TPMT: variants seen among roughly 807,000 people sequenced by gnomAD.
TPMT encodes the protein S-adenosyl-L-methionine:thiopurine S-methyltransferase.
A neutral mutation model predicts 34.2 loss-of-function variants in TPMT; 18 were observed. That is an observed-to-expected ratio of 0.53 (90% CI 0.36 to 0.78). TPMT has a LOEUF of 0.78. Among genes scored for constraint, TPMT ranks in the 30% least tolerant of loss-of-function variants. The pLI, the probability that TPMT is intolerant of heterozygous loss-of-function variation, is 0.00. For missense variants in TPMT, 265 were observed against 288.1 expected, an observed-to-expected ratio of 0.92 and a Z score of 0.58; for synonymous variants, 69 against 92.4, an observed-to-expected ratio of 0.75 and a Z score of 1.45.
At position 18,147,951 on chromosome 6, in the gene TPMT, G is replaced by A. The variant is rs749583930; in HGVS notation, c.141-36C>T. 2.0e-6 allele frequency: 3 copies of A among 1,495,730 alleles called. No individual in the cohort carries two copies. The South Asian group carries it at 3.4e-5, about 17-fold the overall frequency. 92.7% of individuals were successfully genotyped at this position (1,495,730 alleles called of 1,614,324 possible). A position where few individuals can be genotyped will look rare whatever the true frequency, so the allele number is the denominator to read the frequency against. On this transcript the variant is annotated intron_variant, in intron 2 of 8. Coordinates refer to ENST00000309983, the MANE Select transcript of TPMT (RefSeq NM_000367.5). ...AAAAAAAAAAGGTTTTAGGACAATT[G>A]TATGGTAGGTGAACACTTTTCATTC... is the stretch of plus-strand genomic sequence containing the variant.
chr6:18,146,769 T>C lies in TPMT; in HGVS notation c.233+1054A>G, dbSNP rs2150717514. Among the ~76,000 whole-genome samples the C allele has an allele frequency of 6.6e-6, 1 of 152,304 alleles. No individual in the cohort carries two copies. The highest frequency in any genetic ancestry group is 3.4e-3 in the Middle Eastern group (1 of 294). ...TCAATTTCATGACCACACTTGAATC[T>C]TAAAGTCATAGCAGCCCTCTAACAA... On this transcript the variant is annotated intron_variant, in intron 3 of 8. Coordinates refer to ENST00000309983, the MANE Select transcript of TPMT (RefSeq NM_000367.5). This position sits in a 1 kb window ranked among gnomAD's most constrained non-coding sequence, Gnocchi z 6.2.
At position 18,135,105 on chromosome 6, in the gene TPMT, C is replaced by T. The variant is rs1582038441; in HGVS notation, c.495-1216G>A. Among the ~76,000 whole-genome samples the T allele has an allele frequency of 6.6e-6, 1 of 152,218 alleles. No homozygotes were observed. The highest frequency in any genetic ancestry group is 1.9e-4 in the East Asian group (1 of 5,206). ...TAACCTTTCTGTACCTCAGTTTCCT[C>T]ACCTGTAACATGAGGATAAGACTAA... On this transcript the variant is annotated intron_variant, in intron 6 of 8. Coordinates refer to ENST00000309983, the MANE Select transcript of TPMT (RefSeq NM_000367.5). The surrounding 1 kb of genome is among the most constrained non-coding windows in gnomAD (Gnocchi z 5.0).
intron 1 of TPMT, among the ~76,000 whole-genome samples, chr6:18,152,346 TA>T (rs199599951): frequency 2.6e-5 from 4 of 151,658 alleles, no homozygotes; most frequent in Non-Finnish European, 4.4e-5. Context: ...CTTTATGCCT[TA>T]AAAAAAAATT....
Position 18,138,424 on chromosome 6 carries a change from G to A in TPMT, c.494+539C>T, listed in dbSNP as rs906850452. Among the ~76,000 whole-genome samples, 6 of 151,958 alleles carry A rather than the reference G, an allele frequency of 3.9e-5. No homozygotes were observed. Among genetic ancestry groups the A allele is most frequent in the East Asian group, 1.9e-4 (1 of 5,164 alleles). On this transcript the variant is annotated intron_variant, in intron 6 of 8. Transcript: ENST00000309983. The surrounding 1 kb of genome is among the most constrained non-coding windows in gnomAD (Gnocchi z 4.1). ...TGGGACTACAAGCACATACCACCAC[G>A]GTCGGATAATTTTAAAAATATTTTG...
chr6:18,137,960 A>C (rs1158832036), intron 6 of TPMT, among the ~76,000 whole-genome samples: 1 of 151,894 alleles, frequency 6.6e-6, no homozygotes, highest in East Asian at 1.9e-4. Context: ...TTGTATTTTT[A>C]GTAGAGATGG....
At chr6:18,152,772 C>T (rs563014655) in intron 1 of TPMT, among the ~76,000 whole-genome samples, 2 of 152,142 alleles carry the variant, frequency 1.3e-5, no homozygotes, top group Admixed American at 6.5e-5. Context: ...CTCTTGCTAA[C>T]CACAATTAGG....
In TPMT at chr6:18,128,415, C is replaced by T. The variant is rs918572202; in HGVS notation, c.*2253G>A. On this transcript the variant is annotated 3_prime_UTR_variant, in exon 9 of 9. Transcript: ENST00000309983. The surrounding 1 kb of genome is among the most constrained non-coding windows in gnomAD (Gnocchi z 4.6). ...AAGTCAGTATTCCCCAGTGAAGACACATATTACATAAATGATCAACTACCT... is the reference window on the plus strand; with the variant it reads ...AAGTCAGTATTCCCCAGTGAAGACATATATTACATAAATGATCAACTACCT... The T allele has an allele frequency of 6.6e-6, 1 of 152,208 alleles. No individual in the cohort carries two copies. Among genetic ancestry groups the T allele is most frequent in the African/African-American group, 2.4e-5 (1 of 41,436 alleles). The allele number at this position is 152,208 out of a possible 1,614,324, so 9.4% of individuals were successfully genotyped here.
At position 18,153,351 on chromosome 6, in the gene TPMT, G is replaced by A. The variant is rs967826429; in HGVS notation, c.-45+1682C>T. On this transcript the variant is annotated intron_variant, in intron 1 of 8. Coordinates refer to ENST00000309983, the MANE Select transcript of TPMT (RefSeq NM_000367.5). The surrounding 1 kb of genome is among the most constrained non-coding windows in gnomAD (Gnocchi z 4.2). The stretch of plus-strand genomic sequence containing the variant: ...TGAGGAAAATGCCTTTCCTTTCAAT[G>A]TCAACTCTGCAATATTAAGGACAAT... 1.3e-5 allele frequency among the ~76,000 whole-genome samples: 2 copies of A among 152,172 alleles called. No individual in the cohort carries two copies. The highest frequency in any genetic ancestry group is 1.3e-4 in the Admixed American group (2 of 15,276).
In TPMT at chr6:18,147,805, A is replaced by C; in HGVS notation, c.233+18T>G. The C allele has an allele frequency of 6.2e-7, 1 of 1,606,616 alleles. No homozygotes were observed. Among genetic ancestry groups the C allele is most frequent in the Non-Finnish European group, 8.5e-7 (1 of 1,173,866 alleles). On this transcript the variant is annotated intron_variant, in intron 3 of 8. Coordinates refer to ENST00000309983, the MANE Select transcript of TPMT (RefSeq NM_000367.5). Reference sequence around the variant, plus strand: ...TCATTAAGGCAAGATAATTCTGTTAATGTTTATCTGCTCATACCATTTCAT... The same window carrying C: ...TCATTAAGGCAAGATAATTCTGTTACTGTTTATCTGCTCATACCATTTCAT...
At position 18,153,112 on chromosome 6, in the gene TPMT, T is replaced by C. The variant is rs1439778184; in HGVS notation, c.-45+1921A>G. On this transcript the variant is annotated intron_variant, in intron 1 of 8. Transcript: ENST00000309983. The surrounding 1 kb of genome is among the most constrained non-coding windows in gnomAD (Gnocchi z 4.2). ...CATCCTACAGCTTACTGAATATGTA[T>C]ATTTGGCCACCTTCCTCAGCATAAA... 6.6e-6 allele frequency among the ~76,000 whole-genome samples: 1 copy of C among 152,206 alleles called. No individual in the cohort carries two copies. The highest frequency in any genetic ancestry group is 1.9e-4 in the East Asian group (1 of 5,206).
Position 18,133,795 on chromosome 6 carries a change from CA to C in TPMT, c.580+8del. ...GGTAAAAGAAAAAAAAAAAACCCAA[CA>C]ACTTTACCTGGATGTTTAGTTGGAT... On this transcript the variant is annotated splice_region_variant and intron_variant, in intron 7 of 8. Coordinates refer to ENST00000309983, the MANE Select transcript of TPMT (RefSeq NM_000367.5). 1 of 1,451,330 alleles carries C rather than the reference CA, an allele frequency of 6.9e-7. No individual in the cohort carries two copies. 89.9% of individuals were successfully genotyped at this position (1,451,330 alleles called of 1,614,324 possible). A position where few individuals can be genotyped will look rare whatever the true frequency, so the allele number is the denominator to read the frequency against.
rs1182366103 is a variant in TPMT, at chr6:18,140,590, G to A, written c.367-873C>T. On this transcript the variant is annotated intron_variant, in intron 4 of 8. Transcript: ENST00000309983. This position sits in a 1 kb window ranked among gnomAD's most constrained non-coding sequence, Gnocchi z 4.7. ...TTCCAGCTACCTGGGAGGCTGACATGCGAGGGTCACTTGAGCCTGGGAGGT... is the reference window on the plus strand; with the variant it reads ...TTCCAGCTACCTGGGAGGCTGACATACGAGGGTCACTTGAGCCTGGGAGGT... Among the ~76,000 whole-genome samples, 1 of 152,116 alleles carries A rather than the reference G, an allele frequency of 6.6e-6. No homozygotes were observed. Among genetic ancestry groups the A allele is most frequent in the African/African-American group, 2.4e-5 (1 of 41,414 alleles).
chr6:18,138,932 A>G lies in TPMT; in HGVS notation c.494+31T>C. The stretch of plus-strand genomic sequence containing the variant: ...AAGTATAGTATACTAAAAAATTAAG[A>G]CAGCTAAACAAAAAAAGAAAAATTA... On this transcript the variant is annotated intron_variant, in intron 6 of 8. Transcript: ENST00000309983. The surrounding 1 kb of genome is among the most constrained non-coding windows in gnomAD (Gnocchi z 4.1). 5 of 1,584,060 alleles carry G rather than the reference A, an allele frequency of 3.2e-6. No homozygotes were observed. The highest frequency in any genetic ancestry group is 4.3e-6 in the Non-Finnish European group (5 of 1,154,808).
Position 18,131,033 on chromosome 6 carries a change from G to A in TPMT, c.626-253C>T, listed in dbSNP as rs1783930507. Reference sequence around the variant, plus strand: ...CATGCCTGTAATCCCAGCTACTTGGGAGGTTGAGGCAGGAGAATCGCTTGA... The same window carrying A: ...CATGCCTGTAATCCCAGCTACTTGGAAGGTTGAGGCAGGAGAATCGCTTGA... On this transcript the variant is annotated intron_variant, in intron 8 of 8. Coordinates refer to ENST00000309983, the MANE Select transcript of TPMT (RefSeq NM_000367.5). This position sits in a 1 kb window ranked among gnomAD's most constrained non-coding sequence, Gnocchi z 4.3. Among the ~76,000 whole-genome samples, 1 of 152,186 alleles carries A rather than the reference G, an allele frequency of 6.6e-6. No individual in the cohort carries two copies. Among genetic ancestry groups the A allele is most frequent in the African/African-American group, 2.4e-5 (1 of 41,448 alleles).
rs1208057836 is a variant in TPMT, at chr6:18,149,110, A to T, written c.18T>A (p.Thr6=). Residue 6 remains threonine, a synonymous_variant, in exon 2 of 9, where the codon ACT becomes ACA. Transcript: ENST00000309983. This position sits in a 1 kb window ranked among gnomAD's most constrained non-coding sequence, Gnocchi z 5.0. MDGTR[T]SLDIEEYSDT... ...CCGAGTACTCTTCAATGTCAAGTGA[A>T]GTTCTTGTACCATCCATAGTTTCAG... is the stretch of plus-strand genomic sequence containing the variant. 1.2e-6 allele frequency: 2 copies of T among 1,613,930 alleles called. No individual in the cohort carries two copies. The highest frequency in any genetic ancestry group is 1.7e-6 in the Non-Finnish European group (2 of 1,180,016).
Position 18,131,573 on chromosome 6 carries a change from C to A in TPMT, c.625+560G>T, listed in dbSNP as rs576115377. 6.5e-4 allele frequency among the ~76,000 whole-genome samples: 99 copies of A among 152,060 alleles called. 1 individual carries two copies. The South Asian group carries it at 0.02, about 31-fold the overall frequency. ...TCCAGCCTGGGTGACAGATCAAGAT[C>A]CTATCTCAAAAATAAACAAATAAAA... On this transcript the variant is annotated intron_variant, in intron 8 of 8. Transcript: ENST00000309983. This position sits in a 1 kb window ranked among gnomAD's most constrained non-coding sequence, Gnocchi z 4.3.
chr6:18,144,619 T>C (rs1582044942), intron 3 of TPMT, among the ~76,000 whole-genome samples: 1 of 151,874 alleles, frequency 6.6e-6, no homozygotes, highest in East Asian at 1.9e-4. Flanking sequence ...ACTCAGGTGA[T>C]CCACCTGCCT....
chr6:18,141,038 T>C (rs1464692156), intron 4 of TPMT, among the ~76,000 whole-genome samples: 3 of 152,192 alleles, frequency 2.0e-5, no homozygotes, highest in African/African-American at 7.2e-5. Context: ...ATCTCAACTT[T>C]GCCTGCAGAT....
Position 18,153,941 on chromosome 6 carries a change from G to A in TPMT, c.-45+1092C>T, listed in dbSNP as rs1363635911. 6.6e-6 allele frequency among the ~76,000 whole-genome samples: 1 copy of A among 152,128 alleles called. No individual in the cohort carries two copies. ...AATCATGTCTTAGTTGTTTGTTTTT[G>A]AGACAGGGTCTCTCTCTATCCCCCA... On this transcript the variant is annotated intron_variant, in intron 1 of 8. Transcript: ENST00000309983. The surrounding 1 kb of genome is among the most constrained non-coding windows in gnomAD (Gnocchi z 4.2).
Sources: allele counts gnomAD v4.1 joint callset (sites outside exome capture counted in the v4.1 genomes callset), GRCh38; gene constraint gnomAD v4.1.1; non-coding constraint Gnocchi (gnomAD v3.1); transcripts MANE v1.5; gene names NCBI Gene and HGNC (gene_info 2026-07-23, HGNC 2026-07-21).